Variants in FGF14 observed in about 807,000 individuals in gnomAD.
FGF14 encodes the protein fibroblast growth factor 14.
Under a neutral mutation model 25.5 loss-of-function variants are expected in FGF14, and 5 were observed. The observed-to-expected ratio is 0.20, with a 90% confidence interval of 0.10 to 0.41. FGF14 has a LOEUF of 0.41. Among genes scored for constraint, FGF14 ranks in the 10% least tolerant of loss-of-function variants. The pLI, the probability that FGF14 is intolerant of heterozygous loss-of-function variation, is 1.00. For missense variants in FGF14, 222 were observed against 320.1 expected (o/e 0.69, Z 2.34); for synonymous variants, 138 against 118.3 (o/e 1.17, Z -1.08).
At chr13:102,325,891 G>A (rs1347298889) in intron 1 of FGF14, among the ~76,000 whole-genome samples, 1 of 152,098 alleles carries the variant, frequency 6.6e-6, no homozygotes, top group Non-Finnish European at 1.5e-5. Flanking sequence ...TGACTAATGT[G>A]AACAAACAAA....
At position 101,885,701 on chromosome 13, in the gene FGF14, GAA is replaced by G. The variant is rs75565604; in HGVS notation, c.194-10407_194-10406del. On this transcript the variant is annotated intron_variant, in intron 1 of 4. Transcript: ENST00000376143. ...TGTAACTGATGTGGCACAGGCCTCT[GAA>G]AAAAAAAAAAAAAACTGCAGGGTCC... Among the ~76,000 whole-genome samples the G allele has an allele frequency of 6.0e-3, 731 of 122,742 alleles. 4 individuals are homozygous for G. The highest frequency in any genetic ancestry group is 0.019 in the African/African-American group (656 of 34,914). The allele number at this position is 122,742 out of a possible 152,430, so 80.5% of individuals were successfully genotyped here. A position where few individuals can be genotyped will look rare whatever the true frequency, so the allele number is the denominator to read the frequency against.
chr13:102,164,578 A>C (rs1314058380), intron 1 of FGF14, among the ~76,000 whole-genome samples: 1 of 152,222 alleles, frequency 6.6e-6, no homozygotes, highest in Non-Finnish European at 1.5e-5. Context: ...ATGGGGAACA[A>C]GAAGAGGGTA....
intron 1 of FGF14, among the ~76,000 whole-genome samples, chr13:102,185,579 T>C (rs2048844115): frequency 6.6e-6 from 1 of 152,162 alleles, no homozygotes; most frequent in Non-Finnish European, 1.5e-5. Context: ...AGATACAGGA[T>C]GAGAAATGTA....
chr13:101,752,492 A>G (rs1163332020), intron 3 of FGF14, among the ~76,000 whole-genome samples: 1 of 152,248 alleles, frequency 6.6e-6, no homozygotes, highest in African/African-American at 2.4e-5. Context: ...TAAAAATAAT[A>G]TTATGAATGA....
chr13:102,166,144 G>T (rs1442425848), intron 1 of FGF14, among the ~76,000 whole-genome samples: 2 of 148,858 alleles, frequency 1.3e-5, no homozygotes, highest in African/African-American at 5.0e-5. Context: ...CTCTAGATTT[G>T]ACTACTCTAG....
intron 1 of FGF14, among the ~76,000 whole-genome samples, chr13:101,900,487 G>A (rs1467587005): frequency 1.3e-5 from 2 of 152,084 alleles, no homozygotes; most frequent in Non-Finnish European, 2.9e-5. Context: ...AAAAAAGGGG[G>A]ACTTCACTAC....
intron 1 of FGF14, among the ~76,000 whole-genome samples, chr13:102,066,988 C>T (rs2042930881): frequency 6.6e-6 from 1 of 152,130 alleles, no homozygotes; most frequent in South Asian, 2.1e-4. Context: ...CACAGTCAGG[C>T]CTTAGATTAC....
At chr13:101,875,360 C>T in intron 1 of FGF14, 64 bp from the exon 2 acceptor site, 1 of 1,131,336 alleles carries the variant, frequency 8.8e-7, no homozygotes, top group South Asian at 1.3e-5. Flanking sequence ...TTTATCTTTT[C>T]TGTTTCTCTT....
chr13:101,789,475 C>A (rs1238670485), intron 3 of FGF14, among the ~76,000 whole-genome samples: 1 of 152,148 alleles, frequency 6.6e-6, no homozygotes, highest in Non-Finnish European at 1.5e-5. Flanking sequence ...AAATCATGCC[C>A]CTTACGCTCT....
chr13:102,357,588 T>C lies in FGF14; in HGVS notation c.208+43883A>G, dbSNP rs2057454676. Among the ~76,000 whole-genome samples, 2 of 152,238 alleles carry C rather than the reference T, an allele frequency of 1.3e-5. 1 individual carries two copies. The highest frequency in any genetic ancestry group is 4.1e-4 in the South Asian group (2 of 4,832). Reference sequence around the variant, plus strand: ...CCATCAGCTATTAGCTAGGGGACTTTGAGCAAATTAAATAATTTCTCTATG... The same window carrying C: ...CCATCAGCTATTAGCTAGGGGACTTCGAGCAAATTAAATAATTTCTCTATG... On this transcript the variant is annotated intron_variant, in intron 1 of 4. Transcript: ENST00000376131.
intron 1 of FGF14, among the ~76,000 whole-genome samples, chr13:102,236,252 A>G (rs757753125): frequency 5.3e-5 from 8 of 152,214 alleles, no homozygotes; most frequent in Non-Finnish European, 1.2e-4. Flanking sequence ...TCGTTGCACA[A>G]GATCTAAGAA....
chr13:101,740,894 T>C (rs1195582892), intron 3 of FGF14, among the ~76,000 whole-genome samples: 1 of 152,194 alleles, frequency 6.6e-6, no homozygotes, highest in Non-Finnish European at 1.5e-5. Context: ...CCACATATTG[T>C]TAGTTGCAGA....
chr13:102,197,546 C>T (rs981696622), intron 1 of FGF14, among the ~76,000 whole-genome samples: 1 of 151,974 alleles, frequency 6.6e-6, no homozygotes, highest in Admixed American at 6.6e-5. Context: ...ATGCCCCTAT[C>T]ATATAAAATA....
chr13:102,396,424 G>T (rs2058585561), intron 1 of FGF14, among the ~76,000 whole-genome samples: 2 of 152,288 alleles, frequency 1.3e-5, no homozygotes, highest in Middle Eastern at 6.8e-3. Context: ...TTTATAGAAG[G>T]CGTATGAGTC....
At chr13:101,853,030 A>T (rs980166537) in intron 3 of FGF14, among the ~76,000 whole-genome samples, 16 of 152,178 alleles carry the variant, frequency 1.1e-4, no homozygotes, top group Non-Finnish European at 2.4e-4. Context: ...AGTGCTATTT[A>T]TTTAGAATAT....
chr13:101,927,523 G>A (rs1403237394), intron 1 of FGF14, among the ~76,000 whole-genome samples: 1 of 152,198 alleles, frequency 6.6e-6, no homozygotes, highest in Non-Finnish European at 1.5e-5. Flanking sequence ...AGTACAGATA[G>A]GAGACAGCAG....
intron 1 of FGF14, among the ~76,000 whole-genome samples, chr13:102,352,126 G>A (rs565195718): frequency 2.6e-5 from 4 of 152,156 alleles, no homozygotes; most frequent in African/African-American, 9.6e-5. Context: ...AAATATGGCT[G>A]GGACGTTGTC....
intron 1 of FGF14, among the ~76,000 whole-genome samples, chr13:102,093,002 A>G (rs974126584): frequency 1.4e-4 from 22 of 152,188 alleles, no homozygotes; most frequent in Non-Finnish European, 1.0e-4. Flanking sequence ...GTTGATATAC[A>G]TGTGTATTTT....
At chr13:102,114,650 G>A (rs536254613) in intron 1 of FGF14, among the ~76,000 whole-genome samples, 47 of 152,206 alleles carry the variant, frequency 3.1e-4, no homozygotes, top group African/African-American at 9.1e-4. Context: ...AATACCATTC[G>A]GCTTTAAGAA....
Sources: allele counts gnomAD v4.1 joint callset (sites outside exome capture counted in the v4.1 genomes callset), GRCh38; gene constraint gnomAD v4.1.1; transcripts MANE v1.5; gene names NCBI Gene and HGNC (gene_info 2026-07-23, HGNC 2026-07-21).